Variants in UTP20 observed in about 807,000 individuals in gnomAD.
The protein encoded by UTP20 is small subunit processome component 20 homolog.
A neutral mutation model predicts 329.5 loss-of-function variants in UTP20; 164 were observed. The ratio of observed to expected loss-of-function variants is 0.50; its 90% CI spans 0.44 to 0.57. The LOEUF (loss-of-function observed/expected upper bound fraction) is 0.57, where lower values mean the gene tolerates loss of function less well. Among genes scored for constraint, UTP20 ranks in the 20% least tolerant of loss-of-function variants. The probability of loss-of-function intolerance (pLI) is 0.00; values close to 1 mark genes in which losing one functional copy is unlikely to be tolerated. For missense variants in UTP20, 3,055 were observed against 3,284.2 expected (o/e 0.93, Z 1.71); for synonymous variants, 1,151 against 1,159.3 (o/e 0.99, Z 0.14).
At chr12:101,294,534 C>T (rs577838912) in intron 11 of UTP20, among the ~76,000 whole-genome samples, 3 of 144,206 alleles carry the variant, frequency 2.1e-5, no homozygotes, top group East Asian at 2.1e-4. Flanking sequence ...TATACATTCT[C>T]GTTTTTCTTT....
intron 32 of UTP20, among the ~76,000 whole-genome samples, chr12:101,340,937 CTTTTTTTTTTTTTT>C (rs71091488): frequency 1.2e-5 from 1 of 83,024 alleles, no homozygotes; most frequent in Non-Finnish European, 2.7e-5. Context: ...ATTGTGTAAT[CTTTTTTTTTTTTTT>C]TTTTTTTTTT....
At chr12:101,298,634 C>T (rs373871966) in intron 12 of UTP20, among the ~76,000 whole-genome samples, 2 of 151,958 alleles carry the variant, frequency 1.3e-5, no homozygotes, top group African/African-American at 2.4e-5. Context: ...ACGGGAATGA[C>T]GTGGCAACTA....
At chr12:101,307,207 T>C (rs1268691890) in intron 17 of UTP20, among the ~76,000 whole-genome samples, 1 of 151,356 alleles carries the variant, frequency 6.6e-6, no homozygotes, top group Admixed American at 6.6e-5. Context: ...GATTTTTTTT[T>C]TTTGGTAACT....
intron 36 of UTP20, 88 bp from the exon 37 acceptor site, chr12:101,345,466 T>C: frequency 1.0e-6 from 1 of 990,908 alleles, no homozygotes; most frequent in Non-Finnish European, 1.4e-6. Flanking sequence ...ATTTTACTTT[T>C]TAAAATTTTA....
intron 21 of UTP20, among the ~76,000 whole-genome samples, chr12:101,313,310 G>C (rs1029330642): frequency 6.6e-6 from 1 of 152,158 alleles, no homozygotes; most frequent in African/African-American, 2.4e-5. Flanking sequence ...AGTGGTTCTA[G>C]CAGAATGATC....
intron 38 of UTP20, among the ~76,000 whole-genome samples, chr12:101,346,957 G>T (rs962556164): frequency 6.6e-6 from 1 of 152,118 alleles, no homozygotes; most frequent in East Asian, 1.9e-4. Flanking sequence ...TGAAATAGTA[G>T]GTTATCATTA....
chr12:101,377,715 G>A (rs1870522407), intron 56 of UTP20, among the ~76,000 whole-genome samples: 1 of 152,122 alleles, frequency 6.6e-6, no homozygotes, highest in Admixed American at 6.6e-5. Flanking sequence ...TGGAGTGGTG[G>A]TCACTGGAGA....
At chr12:101,372,812 A>G (rs1261162760) in intron 51 of UTP20, 72 bp from the exon 52 acceptor site, 5 of 1,310,538 alleles carry the variant, frequency 3.8e-6, no homozygotes, top group Non-Finnish European at 4.4e-6. Context: ...AGTGAGTTCC[A>G]GAAAGCAGCT....
chr12:101,329,221 C>T lies in UTP20; in HGVS notation c.3209-20C>T, dbSNP rs566164133. The T allele has an allele frequency of 1.5e-4, 247 of 1,605,848 alleles. 4 individuals are homozygous for T. The South Asian group carries it at 2.4e-3, about 16-fold the overall frequency. On this transcript the variant is annotated intron_variant, in intron 26 of 61. Transcript: ENST00000261637. Reference sequence around the variant, plus strand: ...TAATATGTTACCTTACATGACCTCTCGTCCTCTTTGTTTCACTAGGAGAGT... The same window carrying T: ...TAATATGTTACCTTACATGACCTCTTGTCCTCTTTGTTTCACTAGGAGAGT...
intron 3 of UTP20, 41 bp downstream of exon 3, chr12:101,285,677 G>T: frequency 1.2e-6 from 2 of 1,613,360 alleles, no homozygotes; most frequent in Non-Finnish European, 1.7e-6. Context: ...CCCATAGTTT[G>T]CACTTTATAT....
intron 16 of UTP20, among the ~76,000 whole-genome samples, chr12:101,306,370 A>G (rs1362333211): frequency 8.6e-5 from 13 of 152,004 alleles, no homozygotes; most frequent in Non-Finnish European, 1.5e-5. Context: ...TCATTTAGGT[A>G]TGCGGAAATA....
chr12:101,338,602 G>A (rs1209810695), intron 30 of UTP20, among the ~76,000 whole-genome samples: 1 of 151,824 alleles, frequency 6.6e-6, no homozygotes, highest in Non-Finnish European at 1.5e-5. Flanking sequence ...AAGCCTCAGG[G>A]GTCTCTTAAA....
rs1035804211 is a variant in UTP20, at chr12:101,332,108, C to T, written c.3418-1193C>T. On this transcript the variant is annotated intron_variant, in intron 27 of 61. Coordinates refer to ENST00000261637, the MANE Select transcript of UTP20 (RefSeq NM_014503.3). ...ATCCCAGCACTTTGGGAGTCCGAGG[C>T]GGGCAGATCACCTGAGATGGGGAGT... 5.3e-5 allele frequency among the ~76,000 whole-genome samples: 8 copies of T among 152,038 alleles called. No homozygotes were observed. The East Asian group carries it at 5.8e-4, about 11-fold the overall frequency.
chr12:101,301,740 C>T (rs1296161035), intron 14 of UTP20, among the ~76,000 whole-genome samples: 1 of 152,048 alleles, frequency 6.6e-6, no homozygotes, highest in African/African-American at 2.4e-5. Flanking sequence ...TATGTGACTT[C>T]TTATAAACTT....
intron 15 of UTP20, among the ~76,000 whole-genome samples, chr12:101,304,777 C>T (rs1468906803): frequency 1.3e-5 from 2 of 152,208 alleles, no homozygotes; most frequent in Non-Finnish European, 2.9e-5. Flanking sequence ...GTAGAGAAAC[C>T]TTGCTCGAGA....
intron 56 of UTP20, 115 bp from the exon 57 acceptor site, chr12:101,379,256 C>A: frequency 1.1e-6 from 1 of 917,016 alleles, no homozygotes; most frequent in Non-Finnish European, 1.6e-6. Flanking sequence ...TTATTTTGTT[C>A]ATCTTTGGTT....
At chr12:101,325,099 C>A (rs766207048) in intron 25 of UTP20, among the ~76,000 whole-genome samples, 1 of 152,160 alleles carries the variant, frequency 6.6e-6, no homozygotes, top group Non-Finnish European at 1.5e-5. Context: ...TGTTAGTCCC[C>A]TGTTTACAAA....
Position 101,355,112 on chromosome 12 carries a change from A to G in UTP20, c.5388A>G (p.Ala1796=), listed in dbSNP as rs1429107171. ...TCCCCAGGCTACATAAATGCCTTGC[A>G]TCTACGGTAATAAATTTATTCGGGG... ...DILPRLHKCL[A]STTKREEEHK... The change falls in exon 41 of 62, where the codon GCA becomes GCG. Residue 1796 remains alanine, a synonymous_variant. Coordinates refer to ENST00000261637, the MANE Select transcript of UTP20 (RefSeq NM_014503.3). The G allele has an allele frequency of 6.2e-7, 1 of 1,612,038 alleles. No individual in the cohort carries two copies. The highest frequency in any genetic ancestry group is 8.5e-7 in the Non-Finnish European group (1 of 1,178,830).
intron 15 of UTP20, among the ~76,000 whole-genome samples, chr12:101,305,312 A>G (rs1872618828): frequency 6.6e-6 from 1 of 151,962 alleles, no homozygotes. Flanking sequence ...TATCTACAGT[A>G]TCTAGAAAAG....
Sources: gnomAD v4.1 joint callset for allele counts (sites outside exome capture counted in the v4.1 genomes callset) on GRCh38, gnomAD v4.1.1 for gene constraint, MANE v1.5 for transcripts, NCBI Gene and HGNC (gene_info 2026-07-23, HGNC 2026-07-21) for gene names.